Variants in ESCO2 observed in about 807,000 individuals in gnomAD.
ESCO2 encodes the protein establishment of sister chromatid cohesion N-acetyltransferase 2, also known as N-acetyltransferase ESCO2.
Under a neutral mutation model 61.7 loss-of-function variants are expected in ESCO2, and 51 were observed. The ratio of observed to expected loss-of-function variants is 0.83; its 90% CI spans 0.66 to 1.04. ESCO2 has a LOEUF of 1.04. Ranked by LOEUF, ESCO2 falls within the 50% of genes least tolerant of loss-of-function variation. The probability of loss-of-function intolerance (pLI) is 0.00; values close to 1 mark genes in which losing one functional copy is unlikely to be tolerated. For missense variants in ESCO2, 692 were observed against 686.2 expected, an observed-to-expected ratio of 1.01 and a Z score of -0.09; for synonymous variants, 230 against 238.2, an observed-to-expected ratio of 0.97 and a Z score of 0.32.
intron 3 of ESCO2, 25 bp from the exon 4 acceptor site, chr8:27,780,149 G>GT (rs375159544): frequency 0.01 from 12,562 of 1,227,570 alleles, 1 homozygote; most frequent in Non-Finnish European, 0.012. Context: ...CAGATGTTTG[G>GT]TTTTTTTTTT....
chr8:27,783,548 A>G (rs1210751302), intron 4 of ESCO2, among the ~76,000 whole-genome samples: 1 of 152,160 alleles, frequency 6.6e-6, no homozygotes, highest in South Asian at 2.1e-4. Context: ...ATCCAAGTTC[A>G]TGAAGATTTT....
At chr8:27,789,814 T>C (rs1165741283) in intron 7 of ESCO2, among the ~76,000 whole-genome samples, 1 of 146,452 alleles carries the variant, frequency 6.8e-6, no homozygotes, top group Non-Finnish European at 1.5e-5. Flanking sequence ...AGATGAAACA[T>C]AAGTCTAGTA....
downstream of ESCO2, chr8:27,812,624 G>GAAAAAAAAAA (rs34477454): frequency 1.6e-5 from 2 of 124,628 alleles, no homozygotes; most frequent in African/African-American, 3.0e-5. Context: ...AAATTTACAA[G>GAAAAAAAAAA]AAAAAAAAAA....
At chr8:27,779,187 AC>A (rs1434996863) in intron 3 of ESCO2, 5 of 152,316 alleles carry the variant, frequency 3.3e-5, no homozygotes, top group African/African-American at 1.2e-4. Flanking sequence ...TGCTGGTATT[AC>A]AAGTGTGAGC....
chr8:27,775,389 C>A, intron 1 of ESCO2, 110 bp from the exon 2 acceptor site: 1 of 981,324 alleles, frequency 1.0e-6, no homozygotes, highest in Non-Finnish European at 1.6e-6. Context: ...GAAGACCTCC[C>A]AGAAAATAGG....
chr8:27,805,491 CTTGG>C (rs1295123014), downstream of ESCO2, among the ~76,000 whole-genome samples: 6 of 152,010 alleles, frequency 3.9e-5, no homozygotes, highest in East Asian at 9.7e-4. Context: ...ATACTGTTGT[CTTGG>C]TTGGGTGTTT....
intron 4 of ESCO2, among the ~76,000 whole-genome samples, chr8:27,781,310 T>A (rs953997527): frequency 1.3e-5 from 2 of 152,188 alleles, no homozygotes; most frequent in African/African-American, 4.8e-5. Context: ...GAGGATGAGC[T>A]CTAATTATTT....
intron 4 of ESCO2, among the ~76,000 whole-genome samples, chr8:27,783,434 T>C (rs1804967153): frequency 6.6e-6 from 1 of 152,154 alleles, no homozygotes; most frequent in Non-Finnish European, 1.5e-5. Context: ...CTTTTCATTC[T>C]CTTTATTTTT....
At position 27,804,492 on chromosome 8, in the gene ESCO2, G is replaced by A; in HGVS notation, c.*1054G>A. 1.0e-6 allele frequency: 1 copy of A among 985,410 alleles called. No individual in the cohort carries two copies. The highest frequency in any genetic ancestry group is 1.2e-6 in the Non-Finnish European group (1 of 829,906). The allele number at this position is 985,410 out of a possible 1,614,324, so 61.0% of individuals were successfully genotyped here. ...AGTAAATATACATAGGCTGGTGGATGAGAGACCATGGAACTGTGTAAATAC... is the reference window on the plus strand; with the variant it reads ...AGTAAATATACATAGGCTGGTGGATAAGAGACCATGGAACTGTGTAAATAC... On this transcript the variant is annotated 3_prime_UTR_variant, in exon 11 of 11. Coordinates refer to ENST00000305188, the MANE Select transcript of ESCO2 (RefSeq NM_001017420.3).
intron 9 of ESCO2, among the ~76,000 whole-genome samples, chr8:27,793,327 T>C (rs1015033018): frequency 1.3e-5 from 2 of 152,112 alleles, no homozygotes; most frequent in Non-Finnish European, 2.9e-5. Context: ...CTGACAAAAA[T>C]TGCAAATATT....
chr8:27,818,675 C>T, the ESCO2 span, among the ~76,000 whole-genome samples: 1 of 151,426 alleles, frequency 6.6e-6, no homozygotes. Flanking sequence ...ATATCTTATA[C>T]ATTTATCTCA....
intron 9 of ESCO2, among the ~76,000 whole-genome samples, chr8:27,798,082 T>TG (rs1247423350): frequency 6.6e-6 from 1 of 152,202 alleles, no homozygotes; most frequent in Admixed American, 6.5e-5. Context: ...AGTGAGGATA[T>TG]GGGGAAACCA....
At chr8:27,795,244 T>A (rs1196774483) in intron 9 of ESCO2, among the ~76,000 whole-genome samples, 2 of 152,200 alleles carry the variant, frequency 1.3e-5, no homozygotes, top group Non-Finnish European at 2.9e-5. Flanking sequence ...CCTCCTTGGT[T>A]AAATGTATTC....
downstream of ESCO2, chr8:27,810,311 ATC>A: frequency 6.2e-7 from 1 of 1,608,014 alleles, no homozygotes; most frequent in Non-Finnish European, 8.5e-7. Context: ...ATCACTAGAC[ATC>A]TGTTTCCAGA....
chr8:27,779,904 A>G (rs879919211), intron 3 of ESCO2: 75 of 364,582 alleles, frequency 2.1e-4, no homozygotes, highest in Admixed American at 6.4e-4. Flanking sequence ...TGACCTCGCA[A>G]TCTACCCACC....
At chr8:27,816,232 CTG>C (rs1227118204), downstream of ESCO2, among the ~76,000 whole-genome samples, 2 of 151,794 alleles carry the variant, frequency 1.3e-5, no homozygotes, top group Non-Finnish European at 2.9e-5. Flanking sequence ...CAGGGTAAGA[CTG>C]TGTCTGTCTC....
chr8:27,784,551 A>G (rs1371198711), intron 5 of ESCO2, among the ~76,000 whole-genome samples: 1 of 152,270 alleles, frequency 6.6e-6, no homozygotes, highest in African/African-American at 2.4e-5. Context: ...TTACAACTTC[A>G]TGATGTAGGT....
intron 4 of ESCO2, among the ~76,000 whole-genome samples, chr8:27,783,179 T>G (rs1349097143): frequency 6.6e-6 from 1 of 152,216 alleles, no homozygotes; most frequent in Non-Finnish European, 1.5e-5. Flanking sequence ...ACAATTAATC[T>G]GCTTTTTATT....
At chr8:27,810,917 A>T, downstream of ESCO2, 1 of 1,231,262 alleles carries the variant, frequency 8.1e-7, no homozygotes, top group Non-Finnish European at 1.2e-6. Context: ...TTTAGTGTGA[A>T]ATGAAGAGAT....
Sources: allele counts gnomAD v4.1 joint callset (sites outside exome capture counted in the v4.1 genomes callset), GRCh38; gene constraint gnomAD v4.1.1; transcripts MANE v1.5; gene names NCBI Gene and HGNC (gene_info 2026-07-23, HGNC 2026-07-21).